The following RYR3 variants were observed in gnomAD, a reference collection of about 807,000 sequenced individuals.
The protein encoded by RYR3 is ryanodine receptor 3.
Under a neutral mutation model 584.3 loss-of-function variants are expected in RYR3, and 207 were observed. The ratio of observed to expected loss-of-function variants is 0.35; its 90% CI spans 0.32 to 0.40. RYR3 has a LOEUF of 0.40. RYR3 is among the 10% of genes least tolerant of loss of function. The pLI is 1.00. For missense variants in RYR3, 5,616 were observed against 6,089.2 expected (o/e 0.92, Z 2.59); for synonymous variants, 2,416 against 2,248.5 (o/e 1.07, Z -2.11).
At chr15:33,392,711 A>T (rs2042079263) in intron 1 of RYR3, among the ~76,000 whole-genome samples, 1 of 152,192 alleles carries the variant, frequency 6.6e-6, no homozygotes, top group African/African-American at 2.4e-5. Flanking sequence ...AATGCTTGTA[A>T]TAGCAGGAGA....
At chr15:33,668,192 C>T (rs1157957493) in intron 36 of RYR3, among the ~76,000 whole-genome samples, 1 of 151,208 alleles carries the variant, frequency 6.6e-6, no homozygotes, top group African/African-American at 2.4e-5. Flanking sequence ...TGGCGGGCGC[C>T]TGTGGTCCCA....
intron 1 of RYR3, among the ~76,000 whole-genome samples, chr15:33,326,813 A>C (rs535332080): frequency 6.6e-5 from 10 of 152,212 alleles, no homozygotes; most frequent in Non-Finnish European, 1.5e-4. Flanking sequence ...AAGTGCAATT[A>C]AGTCTAAAAA....
At position 33,548,162 on chromosome 15, in the gene RYR3, C is replaced by T. The variant is rs1305468510; in HGVS notation, c.773C>T (p.Thr258Ile). 1 of 1,612,778 alleles carries T rather than the reference C, an allele frequency of 6.2e-7. No individual in the cohort carries two copies. Among genetic ancestry groups the T allele is most frequent in the Non-Finnish European group, 8.5e-7 (1 of 1,179,402 alleles). Reference protein sequence around the residue: ...RIFYEAGGAGTRARSLWRVEP... With the variant: ...RIFYEAGGAGIRARSLWRVEP... ...TTCTACGAAGCTGGGGGAGCTGGGA[C>T]TCGAGCCAGGTCTCTTTGGAGAGTG... is the stretch of plus-strand genomic sequence containing the variant. The change falls in exon 9 of 104, where the codon ACT (threonine) becomes ATT (isoleucine). Residue 258 changes from threonine (T) to isoleucine (I), a missense_variant. Transcript: ENST00000634891.
rs199964506 is a variant in RYR3 at position 33,841,871 on chromosome 15, G to A, written c.13045G>A (p.Asp4349Asn). The change falls in exon 91 of 104, where the codon GAT becomes AAT. Residue 4349 changes from aspartate (D) to asparagine (N), a missense_variant. Physicochemically the swap from Asp to Asn is conservative, Grantham distance 23 (BLOSUM62 1). Coordinates refer to ENST00000634891, the MANE Select transcript of RYR3 (RefSeq NM_001036.6). ...KVESEKADME[D>N]GEKEDKDKEE... is the part of the protein sequence containing the mutation. Reference sequence around the variant, plus strand: ...GGTTTCCCATTTCTGCAGCATGGAAGATGGAGAGAAGGAAGACAAAGACAA... The same window carrying A: ...GGTTTCCCATTTCTGCAGCATGGAAAATGGAGAGAAGGAAGACAAAGACAA... The A allele has an allele frequency of 6.3e-7, 1 of 1,592,254 alleles. No individual in the cohort carries two copies. Among genetic ancestry groups the A allele is most frequent in the African/African-American group, 1.3e-5 (1 of 74,480 alleles).
chr15:33,333,978 A>C (rs546390037), intron 1 of RYR3, among the ~76,000 whole-genome samples: 4 of 152,334 alleles, frequency 2.6e-5, no homozygotes, highest in African/African-American at 7.2e-5. Context: ...CTAACAAGGG[A>C]AGTGAAAGAT....
At chr15:33,708,909 C>G (rs114219904) in intron 43 of RYR3, among the ~76,000 whole-genome samples, 2 of 151,904 alleles carry the variant, frequency 1.3e-5, no homozygotes, top group Non-Finnish European at 2.9e-5. Flanking sequence ...TCCCATTGGC[C>G]GATTTAAATA....
At chr15:33,508,949 G>C (rs778000052) in intron 3 of RYR3, among the ~76,000 whole-genome samples, 43 of 152,128 alleles carry the variant, frequency 2.8e-4, no homozygotes, top group Admixed American at 2.2e-3. Context: ...TTGTCTCCTG[G>C]TATCATGTGA....
In RYR3 at chr15:33,526,141, A is replaced by T. The variant is rs549064530; in HGVS notation, c.280-4451A>T. Among the ~76,000 whole-genome samples the T allele has an allele frequency of 4.6e-5, 7 of 152,328 alleles. No homozygotes were observed. The South Asian group carries it at 1.5e-3, about 32-fold the overall frequency. The stretch of plus-strand genomic sequence containing the variant: ...TTGAAACATTTGTGTGTGGCTGGAC[A>T]GAAGCATAGTCCCCTCCCCTCCTTA... On this transcript the variant is annotated intron_variant, in intron 3 of 103. Coordinates refer to ENST00000634891, the MANE Select transcript of RYR3 (RefSeq NM_001036.6).
chr15:33,312,570 T>C (rs62013798), intron 1 of RYR3, among the ~76,000 whole-genome samples: 3,780 of 152,274 alleles, frequency 0.025, 65 homozygotes, highest in Non-Finnish European at 0.033. Flanking sequence ...CAAAGCTCCA[T>C]CAAATCCTTT....
rs186244657 is a variant in RYR3 at position 33,604,835 on chromosome 15, T to C, written c.2164+1471T>C. Among the ~76,000 whole-genome samples the C allele has an allele frequency of 2.2e-3, 331 of 152,342 alleles. 2 individuals are homozygous for C. Among genetic ancestry groups the C allele is most frequent in the Middle Eastern group, 3.4e-3 (1 of 294 alleles). On this transcript the variant is annotated intron_variant, in intron 18 of 103. Transcript: ENST00000634891. ...CATAAGGTTCACAGGAAACTGTCTC[T>C]GAAGAAATGATCTGAGAAGAAAGAA...
At chr15:33,375,170 G>A (rs139648010) in intron 1 of RYR3, among the ~76,000 whole-genome samples, 20 of 152,260 alleles carry the variant, frequency 1.3e-4, no homozygotes, top group South Asian at 2.1e-4. Context: ...TTCTTTCTCT[G>A]TAAAATGAGA....
At position 33,325,756 on chromosome 15, in the gene RYR3, T is replaced by G. The variant is rs1249579728; in HGVS notation, c.51+14660T>G. The stretch of plus-strand genomic sequence containing the variant: ...TTCCTTCCTTCCTTCCTTCCTTCCT[T>G]CCTTCCTTCCTTCCTTCCTTCTTTC... On this transcript the variant is annotated intron_variant, in intron 1 of 103. Coordinates refer to ENST00000634891, the MANE Select transcript of RYR3 (RefSeq NM_001036.6). Among the ~76,000 whole-genome samples the G allele has an allele frequency of 2.4e-5, 3 of 127,528 alleles. No homozygotes were observed. In the East Asian group the frequency reaches 8.2e-4, roughly 35 times the overall value. 83.7% of individuals were successfully genotyped at this position (127,528 alleles called of 152,430 possible). A position where few individuals can be genotyped will look rare whatever the true frequency, so the allele number is the denominator to read the frequency against.
chr15:33,537,341 AG>A (rs989988760), intron 5 of RYR3, among the ~76,000 whole-genome samples: 12 of 152,088 alleles, frequency 7.9e-5, no homozygotes, highest in African/African-American at 2.9e-4. Context: ...TAGATCTGAC[AG>A]GGTTGGTTTT....
At chr15:33,328,164 G>T (rs1455616278) in intron 1 of RYR3, among the ~76,000 whole-genome samples, 3 of 152,128 alleles carry the variant, frequency 2.0e-5, no homozygotes, top group Non-Finnish European at 2.9e-5. Flanking sequence ...AAAATGAAAT[G>T]GAGAAAATGG....
intron 9 of RYR3, 84 bp from the exon 10 acceptor site, chr15:33,550,076 G>A (rs868718077): frequency 3.6e-6 from 5 of 1,379,112 alleles, no homozygotes; most frequent in Non-Finnish European, 3.0e-6. Flanking sequence ...AAGTCTGCTA[G>A]CATGTGTAAG....
chr15:33,409,347 TAA>T (rs35423415), intron 1 of RYR3, among the ~76,000 whole-genome samples: 1 of 141,810 alleles, frequency 7.1e-6, no homozygotes, highest in Non-Finnish European at 1.5e-5. Flanking sequence ...TCAAAAAATC[TAA>T]AAAAAAAAAA....
intron 57 of RYR3, among the ~76,000 whole-genome samples, chr15:33,752,741 G>A (rs954262911): frequency 6.6e-6 from 1 of 152,060 alleles, no homozygotes; most frequent in Admixed American, 6.5e-5. Context: ...TTGCCTGATT[G>A]CCCTGGCCAG....
chr15:33,408,660 G>A (rs1300101026), intron 1 of RYR3, among the ~76,000 whole-genome samples: 2 of 152,012 alleles, frequency 1.3e-5, no homozygotes, highest in African/African-American at 2.4e-5. Flanking sequence ...CACTAGCATC[G>A]GTTTTTTTGA....
In RYR3 at chr15:33,825,696, G is replaced by A; in HGVS notation, c.11146+20G>A. ...GAACACGTAAGTAACTAATGAATGT[G>A]AAGGCCATTCTCTTCCTGATTAAAA... On this transcript the variant is annotated intron_variant, in intron 82 of 103. Transcript: ENST00000634891. 8.8e-7 allele frequency: 1 copy of A among 1,131,150 alleles called. No individual in the cohort carries two copies. Among genetic ancestry groups the A allele is most frequent in the Non-Finnish European group, 1.3e-6 (1 of 761,304 alleles). 70.1% of individuals were successfully genotyped at this position (1,131,150 alleles called of 1,614,324 possible). A position where few individuals can be genotyped will look rare whatever the true frequency, so the allele number is the denominator to read the frequency against.
Sources: allele counts gnomAD v4.1 joint callset (sites outside exome capture counted in the v4.1 genomes callset), GRCh38; gene constraint gnomAD v4.1.1; transcripts MANE v1.5; gene names NCBI Gene and HGNC (gene_info 2026-07-23, HGNC 2026-07-21).